CBLB: variants seen among roughly 807,000 people sequenced by gnomAD.
CBLB encodes E3 ubiquitin-protein ligase CBL-B.
CBLB carries 31 observed loss-of-function variants against 104.9 expected under a neutral mutation model. That is an observed-to-expected ratio of 0.30 (90% CI 0.22 to 0.40). The LOEUF (loss-of-function observed/expected upper bound fraction) is 0.40, where lower values mean the gene tolerates loss of function less well. CBLB is among the 10% of genes least tolerant of loss of function. CBLB has a pLI of 1.00. For synonymous variants in CBLB, 440 were observed against 422.6 expected, an observed-to-expected ratio of 1.04 and a Z score of -0.51; for missense variants, 1,062 against 1,214.6, an observed-to-expected ratio of 0.87 and a Z score of 1.87.
intron 3 of CBLB, among the ~76,000 whole-genome samples, chr3:105,838,664 CTTCT>C (rs2089009698): frequency 1.4e-5 from 2 of 144,952 alleles, no homozygotes; most frequent in African/African-American, 2.6e-5. Context: ...GAAATGTATC[CTTCT>C]TTTTTTTTTT....
chr3:105,670,140 A>C, intron 18 of CBLB, 93 bp downstream of exon 18: 1 of 1,114,568 alleles, frequency 9.0e-7, no homozygotes, highest in South Asian at 1.3e-5. Flanking sequence ...GACAACATTC[A>C]TTAAATTATA....
chr3:105,853,540 A>G lies in CBLB; in HGVS notation c.293T>C (p.Leu98Pro), dbSNP rs763706216. The G allele has an allele frequency of 1.2e-6, 2 of 1,613,632 alleles. No homozygotes were observed. Among genetic ancestry groups the G allele is most frequent in the Non-Finnish European group, 1.7e-6 (2 of 1,179,838 alleles). The change falls in exon 3 of 19, where the codon CTT (leucine) becomes CCT (proline). Residue 98 changes from leucine to proline, a missense_variant. By Grantham distance (98) the Leu-to-Pro change is moderately conservative. Coordinates refer to ENST00000394030, the MANE Select transcript of CBLB (RefSeq NM_170662.5). ...ILSKYDDNQK[L>P]AQLSENEYFK... ...GTACTCATTCTCACTGAGTTGGGCA[A>G]GTTTCTGGTTGTCATCATATTTACT...
chr3:105,701,294 C>T (rs1016513928), intron 12 of CBLB, among the ~76,000 whole-genome samples: 9 of 152,168 alleles, frequency 5.9e-5, no homozygotes, highest in Non-Finnish European at 1.2e-4. Context: ...GGGAAAAGAA[C>T]TTGATTTTTA....
chr3:105,775,104 C>A (rs906755816), intron 4 of CBLB, among the ~76,000 whole-genome samples: 11 of 152,088 alleles, frequency 7.2e-5, no homozygotes, highest in Non-Finnish European at 1.6e-4. Flanking sequence ...TTTCTAAATT[C>A]TTCATTTCTG....
At chr3:105,667,120 G>C (rs2064555148) in intron 18 of CBLB, among the ~76,000 whole-genome samples, 1 of 152,152 alleles carries the variant, frequency 6.6e-6, no homozygotes, top group South Asian at 2.1e-4. Context: ...TTTGTAATGA[G>C]ATCTCCTTTA....
At chr3:105,788,613 T>A (rs2152990588) in intron 3 of CBLB, among the ~76,000 whole-genome samples, 1 of 152,328 alleles carries the variant, frequency 6.6e-6, no homozygotes. Context: ...TCTTCAAGTC[T>A]CAGTCTTCTG....
chr3:105,776,299 A>G, intron 4 of CBLB, 97 bp downstream of exon 4: 3 of 1,116,058 alleles, frequency 2.7e-6, no homozygotes, highest in Non-Finnish European at 4.0e-6. Context: ...TACATTCACA[A>G]AACACTCAAG....
intron 16 of CBLB, 66 bp from the exon 17 acceptor site, chr3:105,678,637 A>C: frequency 6.7e-7 from 1 of 1,483,266 alleles, no homozygotes; most frequent in East Asian, 2.4e-5. Context: ...AGCATCTAAC[A>C]AAAGTAATAA....
At chr3:105,682,163 G>A (rs753140212) in intron 14 of CBLB, 2 of 241,994 alleles carry the variant, frequency 8.3e-6, no homozygotes, top group Non-Finnish European at 1.6e-5. Context: ...AGATGTATGT[G>A]CCAAGGCAAA....
chr3:105,807,526 T>A (rs1266624871), intron 3 of CBLB, among the ~76,000 whole-genome samples: 1 of 152,180 alleles, frequency 6.6e-6, no homozygotes, highest in African/African-American at 2.4e-5. Flanking sequence ...TGAAGTAAAA[T>A]CCTATGTTCA....
intron 3 of CBLB, among the ~76,000 whole-genome samples, chr3:105,836,232 G>A (rs1053752241): frequency 1.3e-5 from 2 of 152,136 alleles, no homozygotes; most frequent in African/African-American, 4.8e-5. Context: ...AATGGTTTCT[G>A]AAATCAAAAG....
chr3:105,855,414 C>T (rs1037015310), intron 2 of CBLB, among the ~76,000 whole-genome samples: 2 of 152,012 alleles, frequency 1.3e-5, no homozygotes, highest in Non-Finnish European at 2.9e-5. Flanking sequence ...AATGGTCTTA[C>T]CACAGAAAGG....
rs954040428 is a variant in CBLB, at chr3:105,765,397, G to C, written c.566+10999C>G. On this transcript the variant is annotated intron_variant, in intron 4 of 18. Coordinates refer to ENST00000394030, the MANE Select transcript of CBLB (RefSeq NM_170662.5). ...ACTCTTTCTACCATGTGAGGATATT[G>C]CAAAAAGATGTTTGGCCATCTGTAA... 2.6e-5 allele frequency among the ~76,000 whole-genome samples: 4 copies of C among 152,264 alleles called. No individual in the cohort carries two copies. The East Asian group carries it at 7.7e-4, about 29-fold the overall frequency.
At chr3:105,794,135 G>C (rs1482633807) in intron 3 of CBLB, among the ~76,000 whole-genome samples, 1 of 152,076 alleles carries the variant, frequency 6.6e-6, no homozygotes, top group African/African-American at 2.4e-5. Flanking sequence ...ATTTATTTGG[G>C]CATAAAATTC....
intron 4 of CBLB, among the ~76,000 whole-genome samples, chr3:105,755,873 C>T (rs549018299): frequency 6.6e-5 from 10 of 152,228 alleles, no homozygotes; most frequent in East Asian, 1.9e-4. Context: ...AAAACAAATA[C>T]GTTCACTAGT....
intron 8 of CBLB, among the ~76,000 whole-genome samples, chr3:105,735,193 A>G (rs2152863122): frequency 6.6e-6 from 1 of 152,328 alleles, no homozygotes; most frequent in South Asian, 2.1e-4. Flanking sequence ...ATAAACATAC[A>G]TGGATACATA....
chr3:105,741,095 GTTTT>G (rs66493673), intron 6 of CBLB, among the ~76,000 whole-genome samples: 37 of 108,174 alleles, frequency 3.4e-4, no homozygotes, highest in African/African-American at 1.0e-3. Flanking sequence ...AAAAATTAGG[GTTTT>G]TTTTTTTTTT....
chr3:105,659,833 T>A lies in CBLB; in HGVS notation c.2690-604A>T, dbSNP rs370701350. 1.3e-4 allele frequency among the ~76,000 whole-genome samples: 19 copies of A among 151,832 alleles called. No individual in the cohort carries two copies. The East Asian group carries it at 3.5e-3, about 28-fold the overall frequency. ...ATGCTAGGAGAAAAAAAAAACAAAA[T>A]AGTAGATGCTTTGACTCTACTGTTA... On this transcript the variant is annotated intron_variant, in intron 18 of 18. Coordinates refer to ENST00000394030, the MANE Select transcript of CBLB (RefSeq NM_170662.5).
intron 3 of CBLB, among the ~76,000 whole-genome samples, chr3:105,794,344 C>CTAAT (rs2082019912): frequency 6.6e-6 from 1 of 152,192 alleles, no homozygotes; most frequent in Non-Finnish European, 1.5e-5. Context: ...TCTGCCTAAC[C>CTAAT]TAATACTACT....
Sources: allele counts gnomAD v4.1 joint callset (sites outside exome capture counted in the v4.1 genomes callset), GRCh38; gene constraint gnomAD v4.1.1; transcripts MANE v1.5; gene names NCBI Gene and HGNC (gene_info 2026-07-23, HGNC 2026-07-21).